CNTN4: variants seen among roughly 807,000 people sequenced by gnomAD.
CNTN4 encodes contactin-4.
A neutral mutation model predicts 122.5 loss-of-function variants in CNTN4; 77 were observed. That is an observed-to-expected ratio of 0.63 (90% CI 0.52 to 0.76). The LOEUF is 0.76. Among genes scored for constraint, CNTN4 ranks in the 30% least tolerant of loss-of-function variants. CNTN4 has a pLI of 0.00. For synonymous variants in CNTN4, 512 were observed against 447.0 expected (o/e 1.15, Z -1.83); for missense variants, 1,256 against 1,259.1 (o/e 1.00, Z 0.04).
At chr3:2,781,258 C>T (rs1262818752) in intron 6 of CNTN4, among the ~76,000 whole-genome samples, 1 of 152,162 alleles carries the variant, frequency 6.6e-6, no homozygotes, top group Non-Finnish European at 1.5e-5. Context: ...CTTCATTCCT[C>T]CTTTTGAAAC....
At chr3:2,156,759 T>C (rs577406423) in intron 2 of CNTN4, among the ~76,000 whole-genome samples, 1 of 152,092 alleles carries the variant, frequency 6.6e-6, no homozygotes, top group African/African-American at 2.4e-5. Flanking sequence ...GGCCCCAGTT[T>C]TGGTAGTTCT....
chr3:2,448,490 C>G (rs1350985928), intron 3 of CNTN4, among the ~76,000 whole-genome samples: 1 of 152,140 alleles, frequency 6.6e-6, no homozygotes, highest in Non-Finnish European at 1.5e-5. Context: ...CTCAAATGAA[C>G]TTGAGAATTG....
In CNTN4 at chr3:2,148,525, CCT is replaced by C. The variant is rs199990746; in HGVS notation, c.-145+47887_-145+47888del. 4.4e-3 allele frequency among the ~76,000 whole-genome samples: 671 copies of C among 151,046 alleles called. 1 individual carries two copies. Among genetic ancestry groups the C allele is most frequent in the African/African-American group, 0.015 (610 of 41,130 alleles). The stretch of plus-strand genomic sequence containing the variant: ...TTCAGCCTGGGTGACAGAGCGAGCC[CCT>C]GTCTCAAAAAAAAAAAGAAAAGAAA... On this transcript the variant is annotated intron_variant, in intron 2 of 24. Transcript: ENST00000418658.
intron 9 of CNTN4, among the ~76,000 whole-genome samples, chr3:2,883,728 G>A (rs1261875773): frequency 6.6e-6 from 1 of 152,142 alleles, no homozygotes; most frequent in Non-Finnish European, 1.5e-5. Context: ...GCTAGAGATA[G>A]GTAAGACGTG....
Position 2,773,762 on chromosome 3 carries a change from CT to C in CNTN4, c.358+28081del, listed in dbSNP as rs1234334638. 6.6e-4 allele frequency among the ~76,000 whole-genome samples: 71 copies of C among 107,514 alleles called. 1 individual carries two copies. The highest frequency in any genetic ancestry group is 1.4e-3 in the African/African-American group (41 of 28,804). 70.5% of individuals were successfully genotyped at this position (107,514 alleles called of 152,430 possible). ...GAAGCCTTCATCTCAATGTAGTAGA[CT>C]TTTTTTTTTTTTTTTGAGACGGAGT... On this transcript the variant is annotated intron_variant, in intron 6 of 24. Coordinates refer to ENST00000418658, the MANE Select transcript of CNTN4 (RefSeq NM_175607.3).
At chr3:2,644,859 C>A (rs2083050296) in intron 4 of CNTN4, among the ~76,000 whole-genome samples, 1 of 148,618 alleles carries the variant, frequency 6.7e-6, no homozygotes, top group Admixed American at 7.0e-5. Flanking sequence ...AAGCAACTAA[C>A]CCCTTGTCTT....
intron 7 of CNTN4, among the ~76,000 whole-genome samples, chr3:2,860,392 C>T (rs1039582575): frequency 5.3e-5 from 8 of 152,108 alleles, no homozygotes; most frequent in African/African-American, 1.9e-4. Flanking sequence ...CTCTACTCAG[C>T]ACTAATAAAA....
intron 2 of CNTN4, among the ~76,000 whole-genome samples, chr3:2,199,674 C>A (rs2038007313): frequency 6.6e-6 from 1 of 152,178 alleles, no homozygotes; most frequent in African/African-American, 2.4e-5. Flanking sequence ...CAAGACACCG[C>A]TGTTCTCCTA....
chr3:2,303,114 T>A (rs1487556211), intron 2 of CNTN4, among the ~76,000 whole-genome samples: 1 of 152,198 alleles, frequency 6.6e-6, no homozygotes, highest in South Asian at 2.1e-4. Flanking sequence ...GTGCTGGCAC[T>A]TAGAAAAGTT....
In CNTN4 at chr3:2,580,827, C is replaced by A. The variant is rs565230976; in HGVS notation, c.55+9269C>A. Among the ~76,000 whole-genome samples the A allele has an allele frequency of 1.3e-3, 205 of 152,268 alleles. 6 individuals carry two copies. Among genetic ancestry groups the A allele is most frequent in the Admixed American group, 0.013 (202 of 15,286 alleles). On this transcript the variant is annotated intron_variant, in intron 4 of 24. Coordinates refer to ENST00000418658, the MANE Select transcript of CNTN4 (RefSeq NM_175607.3). ...CTATCACCCTTAAACTCAAAACAAC[C>A]CTCTGGGAGAGGTATTATCCTAAGT...
intron 4 of CNTN4, among the ~76,000 whole-genome samples, chr3:2,660,185 A>T (rs983107135): frequency 6.6e-6 from 1 of 151,710 alleles, no homozygotes; most frequent in Admixed American, 6.6e-5. Context: ...GCACGCACTG[A>T]TTTCTCAAGG....
intron 2 of CNTN4, chr3:2,262,433 A>G (rs1196773948): frequency 1.3e-5 from 2 of 152,172 alleles, no homozygotes; most frequent in Non-Finnish European, 2.9e-5. Context: ...ATGCTGAGGT[A>G]AGGCAAACAG....
Position 2,238,775 on chromosome 3 carries a change from T to TGG in CNTN4, c.-144-100402_-144-100401dup, listed in dbSNP as rs1559368899. 4.3e-5 allele frequency: 5 copies of TGG among 116,000 alleles called. 2 individuals carry two copies. Among genetic ancestry groups the TGG allele is most frequent in the Non-Finnish European group, 7.4e-5 (4 of 53,760 alleles). The allele number at this position is 116,000 out of a possible 1,614,324, so 7.2% of individuals were successfully genotyped here. ...CGGAGTCTGGCCCTGTCGCCCAGGC[T>TGG]GGAGTGCGGTGGCGCCATCTCGGCT... On this transcript the variant is annotated intron_variant, in intron 2 of 24. Transcript: ENST00000418658.
intron 2 of CNTN4, among the ~76,000 whole-genome samples, chr3:2,128,331 T>A (rs1559270063): frequency 6.6e-6 from 1 of 152,226 alleles, no homozygotes. Flanking sequence ...AGCTAATATT[T>A]ATTGAATACT....
At chr3:2,900,019 C>G (rs1486662743) in intron 10 of CNTN4, among the ~76,000 whole-genome samples, 2 of 152,184 alleles carry the variant, frequency 1.3e-5, no homozygotes, top group Non-Finnish European at 2.9e-5. Flanking sequence ...ATTTCTCTCT[C>G]ACATTATTTT....
At chr3:2,788,252 A>T (rs532277685) in intron 6 of CNTN4, among the ~76,000 whole-genome samples, 3 of 152,184 alleles carry the variant, frequency 2.0e-5, no homozygotes, top group Non-Finnish European at 2.9e-5. Context: ...CAGGCACCCA[A>T]GGGAAATGGA....
At chr3:2,767,213 A>G (rs958547895) in intron 6 of CNTN4, among the ~76,000 whole-genome samples, 2 of 152,218 alleles carry the variant, frequency 1.3e-5, no homozygotes, top group African/African-American at 4.8e-5. Flanking sequence ...AAACATGCAA[A>G]ATATATTCAG....
chr3:2,160,657 C>A lies in CNTN4; in HGVS notation c.-145+60018C>A, dbSNP rs190410124. On this transcript the variant is annotated intron_variant, in intron 2 of 24. Coordinates refer to ENST00000418658, the MANE Select transcript of CNTN4 (RefSeq NM_175607.3). ...GATCACCTGTCTATGTTTGTGTCATCACACAGCTCTAGCAATGTTTCCAAA... is the reference window on the plus strand; with the variant it reads ...GATCACCTGTCTATGTTTGTGTCATAACACAGCTCTAGCAATGTTTCCAAA... 2.7e-3 allele frequency among the ~76,000 whole-genome samples: 407 copies of A among 152,264 alleles called. 5 individuals carry two copies. The highest frequency in any genetic ancestry group is 9.6e-3 in the African/African-American group (400 of 41,540).
chr3:2,898,622 C>T (rs977556473), intron 10 of CNTN4, among the ~76,000 whole-genome samples: 1 of 152,240 alleles, frequency 6.6e-6, no homozygotes, highest in Non-Finnish European at 1.5e-5. Flanking sequence ...CCAAGTGTTA[C>T]AGGAAATCTA....
Sources: allele counts gnomAD v4.1 joint callset (sites outside exome capture counted in the v4.1 genomes callset), GRCh38; gene constraint gnomAD v4.1.1; transcripts MANE v1.5; gene names NCBI Gene and HGNC (gene_info 2026-07-23, HGNC 2026-07-21).